The following PACRG variants were observed in gnomAD, a reference collection of about 807,000 sequenced individuals.
PACRG encodes the protein parkin coregulated, also known as parkin coregulated gene protein.
Under a neutral mutation model 29.7 loss-of-function variants are expected in PACRG, and 29 were observed. The observed-to-expected ratio is 0.98, with a 90% CI of 0.73 to 1.33. PACRG has a LOEUF of 1.33. PACRG is among the 40% of genes most tolerant of loss of function. PACRG has a pLI of 0.00. For synonymous variants in PACRG, 116 were observed against 118.7 expected, an observed-to-expected ratio of 0.98 and a Z score of 0.15; for missense variants, 279 against 316.2, an observed-to-expected ratio of 0.88 and a Z score of 0.89.
chr6:163,269,768 GACAGAC>G lies in PACRG; in HGVS notation c.614-45057_614-45052del, dbSNP rs1562349072. ...AAGAAGAAAGAGAGAGAGAGAGACAGACAGACAGACAGACAGAAAGAAAGAAAGGAA... is the reference window on the plus strand; with the variant it reads ...AAGAAGAAAGAGAGAGAGAGAGACAGAGACAGACAGAAAGAAAGAAAGGAA... On this transcript the variant is annotated intron_variant, in intron 4 of 4. Transcript: ENST00000366888. Among the ~76,000 whole-genome samples the G allele has an allele frequency of 2.9e-4, 30 of 104,390 alleles. 1 individual carries two copies. Among genetic ancestry groups the G allele is most frequent in the African/African-American group, 1.1e-3 (30 of 27,726 alleles). 68.5% of individuals were successfully genotyped at this position (104,390 alleles called of 152,430 possible).
intron 2 of PACRG, among the ~76,000 whole-genome samples, chr6:162,985,000 C>T (rs886997173): frequency 6.6e-6 from 1 of 151,698 alleles, no homozygotes; most frequent in East Asian, 1.9e-4. Context: ...TGTGCAGAAG[C>T]TTAAGGAAGG....
At chr6:163,266,837 G>A (rs996218284) in intron 4 of PACRG, among the ~76,000 whole-genome samples, 4 of 152,140 alleles carry the variant, frequency 2.6e-5, no homozygotes, top group African/African-American at 4.8e-5. Flanking sequence ...GCTCTAGACC[G>A]TGGCCACAAG....
At chr6:163,062,018 A>T (rs148607138) in intron 2 of PACRG, 132 bp from the exon 3 acceptor site, 10 of 805,538 alleles carry the variant, frequency 1.2e-5, no homozygotes, top group Middle Eastern at 3.6e-4. Flanking sequence ...CATTAGGGGG[A>T]TGGGTTAAGG....
chr6:163,255,818 T>C (rs960263689), intron 4 of PACRG, among the ~76,000 whole-genome samples: 4 of 152,066 alleles, frequency 2.6e-5, no homozygotes, highest in Non-Finnish European at 5.9e-5. Flanking sequence ...GTATTTTTAG[T>C]AGAGATGGGG....
At chr6:162,746,940 A>T (rs1781033723) in intron 1 of PACRG, among the ~76,000 whole-genome samples, 1 of 152,162 alleles carries the variant, frequency 6.6e-6, no homozygotes, top group Admixed American at 6.5e-5. Context: ...TTTGAAACTT[A>T]TCAACACTTG....
chr6:163,300,302 C>A (rs1784940167), intron 4 of PACRG, among the ~76,000 whole-genome samples: 1 of 152,222 alleles, frequency 6.6e-6, no homozygotes, highest in Non-Finnish European at 1.5e-5. Flanking sequence ...AGGGCAGGAG[C>A]TCTGATGTCT....
intron 4 of PACRG, among the ~76,000 whole-genome samples, chr6:163,120,562 A>T (rs2128324311): frequency 6.6e-6 from 1 of 152,328 alleles, no homozygotes; most frequent in Middle Eastern, 3.4e-3. Context: ...CCAAGAGGTT[A>T]CCGCAGAGGT....
intron 4 of PACRG, among the ~76,000 whole-genome samples, chr6:163,131,315 C>CA (rs55958953): frequency 0.011 from 1,541 of 135,856 alleles, 21 homozygotes; most frequent in African/African-American, 0.035. Flanking sequence ...CTGTCTCAAA[C>CA]AAAAAAAAAA....
At position 163,045,462 on chromosome 6, in the gene PACRG, T is replaced by C. The variant is rs546810385; in HGVS notation, c.292-16688T>C. ...GCCTCAGGCTCCCAAGTAGCTGGGATTACAGGCGCCCGTCAACACGCCCGG... is the reference window on the plus strand; with the variant it reads ...GCCTCAGGCTCCCAAGTAGCTGGGACTACAGGCGCCCGTCAACACGCCCGG... On this transcript the variant is annotated intron_variant, in intron 2 of 4. Transcript: ENST00000366888. Among the ~76,000 whole-genome samples, 349 of 151,726 alleles carry C rather than the reference T, an allele frequency of 2.3e-3. 1 individual carries two copies. The highest frequency in any genetic ancestry group is 2.6e-3 in the Non-Finnish European group (178 of 67,914).
chr6:163,240,743 G>A (rs1050426056), intron 4 of PACRG, among the ~76,000 whole-genome samples: 4 of 152,198 alleles, frequency 2.6e-5, no homozygotes, highest in East Asian at 1.9e-4. Flanking sequence ...CGACTGTGCC[G>A]TCCTCACCCT....
intron 4 of PACRG, among the ~76,000 whole-genome samples, chr6:163,180,412 G>A (rs979421624): frequency 1.1e-4 from 17 of 152,186 alleles, no homozygotes; most frequent in Non-Finnish European, 2.4e-4. Context: ...TGCATAGGTT[G>A]TTACATAGAT....
In PACRG at chr6:163,281,851, C is replaced by T. The variant is rs536606727; in HGVS notation, c.614-32976C>T. On this transcript the variant is annotated intron_variant, in intron 4 of 4. Coordinates refer to ENST00000366888, the MANE Select transcript of PACRG (RefSeq NM_001080379.2). ...CCAATTTTGGCATGCATTCCAAATT[C>T]AATTAACTTTAACCGATATCTTGAC... Among the ~76,000 whole-genome samples, 3 of 152,148 alleles carry T rather than the reference C, an allele frequency of 2.0e-5. No individual in the cohort carries two copies. The East Asian group carries it at 5.8e-4, about 29-fold the overall frequency.
At chr6:163,138,827 A>C (rs2128333305) in intron 4 of PACRG, among the ~76,000 whole-genome samples, 1 of 152,326 alleles carries the variant, frequency 6.6e-6, no homozygotes, top group South Asian at 2.1e-4. Context: ...TATAATTCAC[A>C]TGCATTCAAA....
intron 1 of PACRG, among the ~76,000 whole-genome samples, chr6:162,784,669 A>G (rs180730293): frequency 3.3e-4 from 51 of 152,346 alleles, no homozygotes; most frequent in African/African-American, 1.1e-3. Flanking sequence ...AAACAGATAC[A>G]GAAGACTGAG....
chr6:162,931,686 A>G (rs947186644), intron 2 of PACRG, among the ~76,000 whole-genome samples: 2 of 152,030 alleles, frequency 1.3e-5, no homozygotes, highest in Non-Finnish European at 2.9e-5. Flanking sequence ...TTCATTAGGA[A>G]TGAAAATTAA....
intron 2 of PACRG, 110 bp downstream of exon 2, chr6:162,814,391 C>A (rs1584437134): frequency 7.3e-7 from 1 of 1,368,662 alleles, no homozygotes; most frequent in Non-Finnish European, 1.0e-6. Context: ...TTTCTCAGCA[C>A]ATGGAAGATG....
At chr6:162,988,266 A>C (rs560200933) in intron 2 of PACRG, among the ~76,000 whole-genome samples, 2 of 152,234 alleles carry the variant, frequency 1.3e-5, no homozygotes, top group East Asian at 3.9e-4. Context: ...GAATGTTGTG[A>C]ATTTCACTAG....
intron 2 of PACRG, among the ~76,000 whole-genome samples, chr6:162,854,907 A>G (rs1316963871): frequency 6.6e-6 from 1 of 152,234 alleles, no homozygotes; most frequent in Non-Finnish European, 1.5e-5. Flanking sequence ...CAGAGTCCGA[A>G]AAGCGTTTCT....
chr6:163,234,512 T>C (rs1467567608), intron 4 of PACRG, among the ~76,000 whole-genome samples: 2 of 152,306 alleles, frequency 1.3e-5, no homozygotes, highest in South Asian at 4.1e-4. Flanking sequence ...TTGTATGGCC[T>C]GCAGAGCCAT....
Sources: gnomAD v4.1 joint callset for allele counts (sites outside exome capture counted in the v4.1 genomes callset) on GRCh38, gnomAD v4.1.1 for gene constraint, MANE v1.5 for transcripts, NCBI Gene and HGNC (gene_info 2026-07-23, HGNC 2026-07-21) for gene names.